Variants in LACTB observed in about 807,000 individuals in gnomAD.
LACTB encodes the protein serine beta-lactamase-like protein LACTB, mitochondrial.
In LACTB, 35 loss-of-function variants were observed where a neutral mutation model predicts 50.2. The observed-to-expected ratio is 0.70, with a 90% confidence interval of 0.53 to 0.92. LACTB has a LOEUF of 0.92. LACTB is among the 40% of genes least tolerant of loss of function. LACTB has a pLI of 0.00. For synonymous variants in LACTB, 252 were observed against 268.2 expected (o/e 0.94, Z 0.59); for missense variants, 664 against 691.8 (o/e 0.96, Z 0.45).
Position 63,141,761 on chromosome 15 carries a change from G to A in LACTB, c.1600G>A (p.Ala534Thr). The change falls in exon 6 of 6, where the codon GCT (alanine) becomes ACT (threonine). Residue 534 changes from alanine to threonine, a missense_variant. By Grantham distance (58) the Ala-to-Thr change is moderately conservative (BLOSUM62 0). Coordinates refer to ENST00000261893, the MANE Select transcript of LACTB (RefSeq NM_032857.5). ...NMQSVGLNST[A>T]LKIALEFDKD... ...GCAATCTGTTGGCCTCAATAGCACC[G>A]CTTTGAAGATTGCCCTTGAATTTGA... 4 of 1,613,714 alleles carry A rather than the reference G, an allele frequency of 2.5e-6. No individual in the cohort carries two copies. Among genetic ancestry groups the A allele is most frequent in the African/African-American group, 1.3e-5 (1 of 75,026 alleles).
chr15:63,127,238 A>G (rs2037065013), intron 3 of LACTB, 115 bp from the exon 4 acceptor site: 2 of 1,008,054 alleles, frequency 2.0e-6, no homozygotes, highest in Admixed American at 2.8e-5. Context: ...TGTACATGAC[A>G]TTTTCCCAGC....
intron 4 of LACTB, among the ~76,000 whole-genome samples, chr15:63,128,970 T>C (rs2037093612): frequency 6.6e-6 from 1 of 152,194 alleles, no homozygotes; most frequent in Non-Finnish European, 1.5e-5. Flanking sequence ...CTCGAACTCC[T>C]GACCTCAGGT....
intron 2 of LACTB, among the ~76,000 whole-genome samples, chr15:63,124,545 A>G (rs957590861): frequency 6.6e-6 from 1 of 151,456 alleles, no homozygotes; most frequent in Admixed American, 6.6e-5. Flanking sequence ...AGGGAGAGGG[A>G]TTTCTATTCA....
chr15:63,130,421 A>C (rs1210647831), intron 5 of LACTB: 2 of 151,706 alleles, frequency 1.3e-5, no homozygotes, highest in Non-Finnish European at 2.9e-5. Context: ...AGGCAGGAGA[A>C]TCGCTTGAAC....
At chr15:63,122,815 A>G (rs2036994816) in intron 2 of LACTB, 113 bp downstream of exon 2, 1 of 720,782 alleles carries the variant, frequency 1.4e-6, no homozygotes, top group Non-Finnish European at 2.4e-6. Context: ...AACGATGCAT[A>G]TTGTAGAGAA....
At chr15:63,130,591 T>A (rs752989962) in intron 5 of LACTB, 1 of 151,562 alleles carries the variant, frequency 6.6e-6, no homozygotes, top group Non-Finnish European at 1.5e-5. Context: ...CAGACCTTAC[T>A]CAAATTTTGC....
At chr15:63,125,101 G>A (rs2141068712) in intron 2 of LACTB, among the ~76,000 whole-genome samples, 1 of 152,228 alleles carries the variant, frequency 6.6e-6, no homozygotes, top group African/African-American at 2.4e-5. Context: ...AGGAAGGATG[G>A]CTGAAGACCA....
chr15:63,122,452 AGGG>A, intron 1 of LACTB, 181 bp from the exon 2 acceptor site: 1 of 696,202 alleles, frequency 1.4e-6, no homozygotes, highest in Admixed American at 2.5e-5. Flanking sequence ...CCTTCCCCCT[AGGG>A]GGCGGACAGG....
chr15:63,140,860 T>C (rs1033218693), intron 5 of LACTB: 1 of 242,734 alleles, frequency 4.1e-6, no homozygotes, highest in African/African-American at 2.3e-5. Flanking sequence ...CTTTGGATGT[T>C]TACAGTTTTG....
In LACTB at chr15:63,141,309, T is replaced by C; in HGVS notation, c.1148T>C (p.Leu383Pro). ...TATGTTTACAATAAAAAGAAACGTC[T>C]TGTCAACACACCTTACGTGGATAAC... ...RFYVYNKKKRLVNTPYVDNSY... is the reference protein window; with the variant it reads ...RFYVYNKKKRPVNTPYVDNSY... The change falls in exon 6 of 6, where the codon CTT becomes CCT. Residue 383 changes from leucine (L) to proline (P), a missense_variant. Leu to Pro is a moderately conservative substitution (Grantham distance 98). Coordinates refer to ENST00000261893, the MANE Select transcript of LACTB (RefSeq NM_032857.5). 1 of 1,600,404 alleles carries C rather than the reference T, an allele frequency of 6.2e-7. No homozygotes were observed. The highest frequency in any genetic ancestry group is 8.5e-7 in the Non-Finnish European group (1 of 1,172,620).
At chr15:63,128,311 C>T (rs550107277) in intron 4 of LACTB, among the ~76,000 whole-genome samples, 87 of 152,270 alleles carry the variant, frequency 5.7e-4, no homozygotes, top group African/African-American at 1.9e-3. Context: ...AAATAAAGTT[C>T]CATGCTGGGC....
rs1039715285 is a variant in LACTB at position 63,129,398 on chromosome 15, G to A, written c.953-87G>A. 24 of 1,194,058 alleles carry A rather than the reference G, an allele frequency of 2.0e-5. No homozygotes were observed. In the Admixed American group the frequency reaches 5.9e-4, roughly 29 times the overall value. The allele number at this position is 1,194,058 out of a possible 1,614,324, so 74.0% of individuals were successfully genotyped here. Reference sequence around the variant, plus strand: ...TAAAATATTCCAGTTTTAAAAGTATGCCAATTTTCAGTGGGAATATATTTT... The same window carrying A: ...TAAAATATTCCAGTTTTAAAAGTATACCAATTTTCAGTGGGAATATATTTT... On this transcript the variant is annotated intron_variant, in intron 4 of 5. Transcript: ENST00000261893.
At chr15:63,135,278 A>G (rs575767684) in intron 5 of LACTB, among the ~76,000 whole-genome samples, 2 of 152,332 alleles carry the variant, frequency 1.3e-5, no homozygotes, top group African/African-American at 4.8e-5. Flanking sequence ...ATTTAAAAGG[A>G]TTAAATATGC....
chr15:63,130,173 T>G (rs922446744), intron 5 of LACTB: 2 of 152,290 alleles, frequency 1.3e-5, no homozygotes, highest in Admixed American at 1.3e-4. Flanking sequence ...GTGATACCCC[T>G]TTACCTATAA....
rs150288836 is a variant in LACTB at position 63,123,791 on chromosome 15, G to C, written c.424+1089G>C. ...TATTTCTGCATATCAGAGACTTTTA[G>C]TACTTTCACTAATTGACTACTGCTA... On this transcript the variant is annotated intron_variant, in intron 2 of 5. Transcript: ENST00000261893. Among the ~76,000 whole-genome samples the C allele has an allele frequency of 3.2e-3, 487 of 152,344 alleles. 3 individuals carry two copies. The highest frequency in any genetic ancestry group is 0.013 in the East Asian group (65 of 5,192).
intron 1 of LACTB, 109 bp from the exon 2 acceptor site, chr15:63,122,524 TGGA>T: frequency 1.1e-6 from 1 of 870,188 alleles, no homozygotes; most frequent in South Asian, 1.4e-5. Flanking sequence ...GGGGCCCAGG[TGGA>T]GGGGGCGGGG....
intron 3 of LACTB, 61 bp downstream of exon 3, chr15:63,127,110 T>A (rs1212980656): frequency 8.0e-7 from 1 of 1,242,530 alleles, no homozygotes; most frequent in African/African-American, 1.5e-5. Flanking sequence ...CTGGAATTTA[T>A]ATTTAAAATG....
At chr15:63,122,344 A>G (rs959605974) in intron 1 of LACTB, 116 bp downstream of exon 1, 8 of 913,154 alleles carry the variant, frequency 8.8e-6, no homozygotes, top group Non-Finnish European at 1.3e-5. Flanking sequence ...TCGGCTTCCG[A>G]GAAAGACTTC....
intron 5 of LACTB, among the ~76,000 whole-genome samples, chr15:63,139,148 A>G (rs1450570479): frequency 6.7e-6 from 1 of 148,886 alleles, no homozygotes; most frequent in Admixed American, 6.8e-5. Flanking sequence ...CGGGAGTTCA[A>G]AACCAGCCTG....
Sources: gnomAD v4.1 joint callset for allele counts (sites outside exome capture counted in the v4.1 genomes callset) on GRCh38, gnomAD v4.1.1 for gene constraint, MANE v1.5 for transcripts, NCBI Gene and HGNC (gene_info 2026-07-23, HGNC 2026-07-21) for gene names.